The following LTBP1 variants were observed in gnomAD, a reference collection of about 807,000 sequenced individuals.
The protein encoded by LTBP1 is latent-transforming growth factor beta-binding protein 1.
Under a neutral mutation model 207.6 loss-of-function variants are expected in LTBP1, and 129 were observed. The observed-to-expected ratio is 0.62, with a 90% CI of 0.54 to 0.72. The LOEUF (loss-of-function observed/expected upper bound fraction) is 0.72, where lower values mean the gene tolerates loss of function less well. LTBP1 is among the 30% of genes least tolerant of loss of function. The pLI is 0.00. For missense variants in LTBP1, 2,281 were observed against 2,217.2 expected, an observed-to-expected ratio of 1.03 and a Z score of -0.58; for synonymous variants, 963 against 833.7, an observed-to-expected ratio of 1.16 and a Z score of -2.67.
chr2:33,395,852 C>CTGCAGTT (rs2095353578), intron 32 of LTBP1, among the ~76,000 whole-genome samples: 1 of 152,034 alleles, frequency 6.6e-6, no homozygotes, highest in South Asian at 2.1e-4. Flanking sequence ...CTGCTGCCCC[C>CTGCAGTT]TGCAGTTCCA....
At chr2:33,171,537 T>G (rs2085455195) in intron 5 of LTBP1, among the ~76,000 whole-genome samples, 1 of 151,216 alleles carries the variant, frequency 6.6e-6, no homozygotes, top group South Asian at 2.1e-4. Flanking sequence ...CTGATTGGTG[T>G]ACCTGAAAGT....
At chr2:33,173,136 G>T (rs1425601906) in intron 5 of LTBP1, among the ~76,000 whole-genome samples, 1 of 152,006 alleles carries the variant, frequency 6.6e-6, no homozygotes, top group African/African-American at 2.4e-5. Context: ...CTAGCAGAAG[G>T]CAAGAAATAA....
chr2:33,293,345 A>G, intron 20 of LTBP1, 63 bp downstream of exon 20: 9 of 1,497,380 alleles, frequency 6.0e-6, no homozygotes, highest in Non-Finnish European at 7.2e-6. Flanking sequence ...GATTAGAGCA[A>G]TTAGCCTTAG....
chr2:33,317,183 C>A (rs1234016699), intron 24 of LTBP1, among the ~76,000 whole-genome samples: 1 of 152,094 alleles, frequency 6.6e-6, no homozygotes, highest in Non-Finnish European at 1.5e-5. Context: ...ATTTACTTGG[C>A]AAAGACTTGA....
chr2:33,103,626 TGA>T (rs374313341), intron 3 of LTBP1, among the ~76,000 whole-genome samples: 23,447 of 134,182 alleles, frequency 0.17, 2,328 homozygotes, highest in East Asian at 0.36. Context: ...TGTGTGTGTG[TGA>T]GTGTTATGCT....
intron 24 of LTBP1, among the ~76,000 whole-genome samples, chr2:33,319,845 G>A (rs1346102945): frequency 6.6e-6 from 1 of 152,194 alleles, no homozygotes; most frequent in African/African-American, 2.4e-5. Flanking sequence ...GTGTTGGCCA[G>A]GCTTGGTTAG....
At chr2:33,273,839 C>G in intron 16 of LTBP1, 58 bp downstream of exon 16, 4 of 1,457,050 alleles carry the variant, frequency 2.7e-6, no homozygotes, top group Non-Finnish European at 3.7e-6. Context: ...ACATTAAGAA[C>G]ATTTTTTTCT....
intron 31 of LTBP1, among the ~76,000 whole-genome samples, chr2:33,370,984 A>G (rs2095060940): frequency 6.6e-6 from 1 of 152,178 alleles, no homozygotes; most frequent in African/African-American, 2.4e-5. Flanking sequence ...TACATCTGAG[A>G]GTACTGGTAG....
At chr2:33,149,685 G>A (rs148130006) in intron 5 of LTBP1, among the ~76,000 whole-genome samples, 2 of 152,262 alleles carry the variant, frequency 1.3e-5, no homozygotes, top group Non-Finnish European at 2.9e-5. Context: ...AAGATTCTCT[G>A]GAAACTGAAA....
chr2:33,235,831 C>G (rs533767582), intron 9 of LTBP1, among the ~76,000 whole-genome samples: 1 of 152,244 alleles, frequency 6.6e-6, no homozygotes, highest in African/African-American at 2.4e-5. Context: ...CATGTTCTCA[C>G]TCATAAGTGG....
chr2:33,140,298 G>A (rs79452419), intron 5 of LTBP1, among the ~76,000 whole-genome samples: 1 of 137,934 alleles, frequency 7.2e-6, no homozygotes, highest in East Asian at 2.2e-4. Flanking sequence ...GCAAGCATAT[G>A]GAGTTTTTTC....
chr2:33,168,223 A>G (rs1480598379), intron 5 of LTBP1, among the ~76,000 whole-genome samples: 1 of 151,952 alleles, frequency 6.6e-6, no homozygotes, highest in Non-Finnish European at 1.5e-5. Flanking sequence ...TACAAAAATA[A>G]AAAAAGAAAA....
At chr2:33,226,577 G>GT (rs2091449220) in intron 9 of LTBP1, among the ~76,000 whole-genome samples, 1 of 152,212 alleles carries the variant, frequency 6.6e-6, no homozygotes, top group Non-Finnish European at 1.5e-5. Context: ...AGCAGTCCCT[G>GT]TAAATTGCTG....
At chr2:33,371,494 C>G (rs1300343316) in intron 31 of LTBP1, among the ~76,000 whole-genome samples, 1 of 152,192 alleles carries the variant, frequency 6.6e-6, no homozygotes, top group African/African-American at 2.4e-5. Flanking sequence ...CCATTGTATC[C>G]ATTTCATAAA....
chr2:32,973,759 C>A (rs1323590502), intron 2 of LTBP1, among the ~76,000 whole-genome samples: 1 of 152,112 alleles, frequency 6.6e-6, no homozygotes, highest in Non-Finnish European at 1.5e-5. Context: ...CCCTTCTCAG[C>A]CTCTGGTGAC....
chr2:33,065,989 T>G (rs1323537070), intron 3 of LTBP1, among the ~76,000 whole-genome samples: 1 of 152,224 alleles, frequency 6.6e-6, no homozygotes, highest in Admixed American at 6.5e-5. Flanking sequence ...AGTTTATGGC[T>G]GTTTGCATTT....
chr2:33,329,214 A>AG (rs2094465666), intron 24 of LTBP1, among the ~76,000 whole-genome samples: 1 of 152,154 alleles, frequency 6.6e-6, no homozygotes, highest in Non-Finnish European at 1.5e-5. Context: ...TACTGAGTAA[A>AG]GGTATCTCAT....
At chr2:33,300,675 G>T in intron 21 of LTBP1, 102 bp downstream of exon 21, 5 of 1,232,248 alleles carry the variant, frequency 4.1e-6, no homozygotes, top group Non-Finnish European at 4.4e-6. Flanking sequence ...AAATTACCCA[G>T]ATAATTGCAT....
chr2:33,151,776 C>G (rs2083546096), intron 5 of LTBP1, among the ~76,000 whole-genome samples: 1 of 151,408 alleles, frequency 6.6e-6, no homozygotes, highest in Admixed American at 6.6e-5. Context: ...ATCTATGTGG[C>G]AAATGCCATT....
Sources: allele counts gnomAD v4.1 joint callset (sites outside exome capture counted in the v4.1 genomes callset), GRCh38; gene constraint gnomAD v4.1.1; transcripts MANE v1.5; gene names NCBI Gene and HGNC (gene_info 2026-07-23, HGNC 2026-07-21).